The following SLC25A36 variants were observed in gnomAD, a reference collection of about 807,000 sequenced individuals.
SLC25A36 encodes epididymis secretory sperm binding protein.
Under a neutral mutation model 35.3 loss-of-function variants are expected in SLC25A36, and 24 were observed. The observed-to-expected ratio is 0.68, with a 90% confidence interval of 0.49 to 0.96. SLC25A36 has a LOEUF of 0.96. Among genes scored for constraint, SLC25A36 ranks in the 40% least tolerant of loss-of-function variants. SLC25A36 has a pLI of 0.00. For synonymous variants in SLC25A36, 141 were observed against 132.2 expected (o/e 1.07, Z -0.46); for missense variants, 294 against 381.1 (o/e 0.77, Z 1.90).
At chr3:140,954,532 G>A (rs1161314734) in intron 1 of SLC25A36, among the ~76,000 whole-genome samples, 8 of 152,138 alleles carry the variant, frequency 5.3e-5, no homozygotes, top group Admixed American at 1.3e-4. Context: ...CCAGTTCAGC[G>A]GTTGGCTGTT....
intron 5 of SLC25A36, among the ~76,000 whole-genome samples, chr3:140,972,369 T>C (rs1934926962): frequency 6.6e-6 from 1 of 151,706 alleles, no homozygotes. Context: ...TTCTGGTTTA[T>C]AAGGCTGAGG....
intron 3 of SLC25A36, among the ~76,000 whole-genome samples, chr3:140,961,428 A>AT (rs138400335): frequency 0.03 from 4,602 of 152,082 alleles, 225 homozygotes; most frequent in African/African-American, 0.11. Context: ...TTATTTTTAG[A>AT]TTTTCATTGT....
intron 1 of SLC25A36, among the ~76,000 whole-genome samples, chr3:140,948,514 C>G (rs1934229392): frequency 6.6e-6 from 1 of 152,070 alleles, no homozygotes; most frequent in Non-Finnish European, 1.5e-5. Flanking sequence ...AACTAATGCC[C>G]TAAGTAGAGT....
intron 1 of SLC25A36, among the ~76,000 whole-genome samples, chr3:140,947,374 A>AT (rs146196305): frequency 0.075 from 11,373 of 152,028 alleles, 540 homozygotes; most frequent in East Asian, 0.17. Context: ...CCTATAATGG[A>AT]TTTTTTTTAT....
chr3:140,959,435 C>G, intron 2 of SLC25A36, 28 bp from the exon 3 acceptor site: 1 of 1,262,380 alleles, frequency 7.9e-7, no homozygotes, highest in Non-Finnish European at 1.1e-6. Flanking sequence ...AAAGATATTT[C>G]TGATAGAATT....
In SLC25A36 at chr3:140,943,590, C is replaced by A. The variant is rs538893160; in HGVS notation, c.41+1495C>A. On this transcript the variant is annotated intron_variant, in intron 1 of 6. Transcript: ENST00000324194. ...ATTGAGCTCCCTCTTGTAATTAGAT[C>A]TATAACCCTGAAGTGAGGAGACCGC... is the stretch of plus-strand genomic sequence containing the variant. 6.7e-4 allele frequency among the ~76,000 whole-genome samples: 102 copies of A among 152,272 alleles called. 1 individual carries two copies. The highest frequency in any genetic ancestry group is 2.4e-3 in the African/African-American group (100 of 41,558).
intron 4 of SLC25A36, chr3:140,965,091 G>A (rs1266607777): frequency 6.6e-6 from 1 of 151,746 alleles, no homozygotes; most frequent in Non-Finnish European, 1.5e-5. Flanking sequence ...GAATTTGTTT[G>A]CAGTTACATT....
In SLC25A36 at chr3:140,956,534, G is replaced by A; in HGVS notation, c.49G>A (p.Gly17Ser). The change falls in exon 2 of 7, where the codon GGT (glycine) becomes AGT (serine). Residue 17 changes from glycine (G) to serine (S), a missense_variant. Gly to Ser is a moderately conservative substitution (Grantham distance 56, BLOSUM62 0). Coordinates refer to ENST00000324194, the MANE Select transcript of SLC25A36 (RefSeq NM_001104647.3). ...TTTTTTTTTTTTTTTTAGATGTGGT[G>A]GTACAGTGGGAGCTATTCTGACATG... ...LVHLFAGGCG[G>S]TVGAILTCPL... The A allele has an allele frequency of 1.9e-6, 3 of 1,577,538 alleles. No individual in the cohort carries two copies. Among genetic ancestry groups the A allele is most frequent in the Non-Finnish European group, 2.6e-6 (3 of 1,167,370 alleles).
intron 1 of SLC25A36, among the ~76,000 whole-genome samples, chr3:140,953,838 C>T (rs982993700): frequency 6.6e-6 from 1 of 152,108 alleles, no homozygotes; most frequent in Non-Finnish European, 1.5e-5. Context: ...TGCATGGTGG[C>T]ATGTGCCTGT....
chr3:140,955,860 T>C (rs1934465970), intron 1 of SLC25A36, among the ~76,000 whole-genome samples: 1 of 152,074 alleles, frequency 6.6e-6, no homozygotes, highest in Admixed American at 6.6e-5. Context: ...CCTGGCTAAT[T>C]TTTTAAACAA....
intron 1 of SLC25A36, 92 bp from the exon 2 acceptor site, chr3:140,956,435 T>C: frequency 4.6e-6 from 6 of 1,305,022 alleles, no homozygotes; most frequent in Non-Finnish European, 4.9e-6. Context: ...TTGGCAAAGC[T>C]CCAGGTACCC....
chr3:140,945,739 T>TAAAAAA (rs59896675), intron 1 of SLC25A36, among the ~76,000 whole-genome samples: 2 of 127,744 alleles, frequency 1.6e-5, no homozygotes, highest in Non-Finnish European at 1.7e-5. Context: ...TACTTGCAAT[T>TAAAAAA]AAAAAAAAAA....
At chr3:140,955,633 C>G (rs1013007994) in intron 1 of SLC25A36, among the ~76,000 whole-genome samples, 19 of 152,208 alleles carry the variant, frequency 1.2e-4, no homozygotes, top group African/African-American at 3.9e-4. Context: ...ACAAGCCTAC[C>G]TACATTGTAC....
chr3:140,942,844 T>G (rs1934053749), intron 1 of SLC25A36: 1 of 152,222 alleles, frequency 6.6e-6, no homozygotes, highest in African/African-American at 2.4e-5. Flanking sequence ...TTCCAGGTGG[T>G]GAATGGGGTG....
intron 2 of SLC25A36, among the ~76,000 whole-genome samples, chr3:140,957,443 AC>A (rs1489053936): frequency 7.9e-5 from 12 of 152,322 alleles, no homozygotes; most frequent in Non-Finnish European, 1.6e-4. Context: ...AAAATTGATA[AC>A]AGTTTTGAAT....
At chr3:140,971,082 T>G (rs1208058982) in intron 5 of SLC25A36, 89 bp downstream of exon 5, 33 of 633,028 alleles carry the variant, frequency 5.2e-5, no homozygotes, top group Admixed American at 3.4e-4. Context: ...CTGCTGAATT[T>G]GTTTGTTGTT....
intron 4 of SLC25A36, chr3:140,968,638 T>G (rs1309242583): frequency 1.4e-5 from 13 of 961,704 alleles, no homozygotes; most frequent in African/African-American, 1.2e-4. Flanking sequence ...TTATAAAAAT[T>G]TATTGTACTA....
At chr3:140,968,967 T>C (rs1934834428) in intron 4 of SLC25A36, among the ~76,000 whole-genome samples, 1 of 151,960 alleles carries the variant, frequency 6.6e-6, no homozygotes, top group South Asian at 2.1e-4. Context: ...ATCATTATAG[T>C]GATGCAGAAT....
At chr3:140,971,693 G>T (rs1033697645) in intron 5 of SLC25A36, among the ~76,000 whole-genome samples, 2 of 152,140 alleles carry the variant, frequency 1.3e-5, no homozygotes, top group African/African-American at 4.8e-5. Context: ...GCAGTGCTGC[G>T]TAGGGTCTTG....
Sources: allele counts gnomAD v4.1 joint callset (sites outside exome capture counted in the v4.1 genomes callset), GRCh38; gene constraint gnomAD v4.1.1; transcripts MANE v1.5; gene names NCBI Gene and HGNC (gene_info 2026-07-23, HGNC 2026-07-21).